The following CCDC141 variants were observed in gnomAD, a reference collection of about 807,000 sequenced individuals.
CCDC141 encodes coiled-coil domain containing 141.
CCDC141 carries 168 observed loss-of-function variants against 181.0 expected under a neutral mutation model. The observed-to-expected ratio is 0.93, with a 90% confidence interval of 0.82 to 1.05. CCDC141 has a LOEUF of 1.05. CCDC141 is among the 50% of genes least tolerant of loss of function. The pLI, the probability that CCDC141 is intolerant of heterozygous loss-of-function variation, is 0.00. For missense variants in CCDC141, 1,902 were observed against 1,788.5 expected (o/e 1.06, Z -1.14); for synonymous variants, 666 against 642.3 (o/e 1.04, Z -0.56).
intron 2 of CCDC141, among the ~76,000 whole-genome samples, chr2:179,027,541 A>AGG (rs2042882553): frequency 6.7e-6 from 1 of 148,618 alleles, no homozygotes; most frequent in South Asian, 2.2e-4. Context: ...GCTACTTGGG[A>AGG]GGCTGAGGCA....
intron 5 of CCDC141, among the ~76,000 whole-genome samples, chr2:178,947,324 A>T (rs1223399148): frequency 6.6e-6 from 1 of 152,198 alleles, no homozygotes; most frequent in Non-Finnish European, 1.5e-5. Flanking sequence ...TATGTAGAAC[A>T]TGGTCCCTGC....
chr2:178,920,125 T>C (rs1688620094), intron 6 of CCDC141, among the ~76,000 whole-genome samples: 1 of 152,144 alleles, frequency 6.6e-6, no homozygotes, highest in Non-Finnish European at 1.5e-5. Flanking sequence ...ATGACTGTCT[T>C]GTTAGTGAAT....
intron 8 of CCDC141, among the ~76,000 whole-genome samples, chr2:178,898,686 T>C (rs987293666): frequency 2.6e-5 from 4 of 152,312 alleles, no homozygotes; most frequent in East Asian, 1.9e-4. Context: ...GATTCCATGA[T>C]AGTAAAACAG....
intron 17 of CCDC141, among the ~76,000 whole-genome samples, chr2:178,865,181 T>C (rs1314551399): frequency 1.3e-5 from 2 of 152,244 alleles, no homozygotes; most frequent in Admixed American, 1.3e-4. Flanking sequence ...ATCTGTTATT[T>C]CTTTTTTCTT....
At chr2:178,865,182 C>A (rs1306944475) in intron 17 of CCDC141, among the ~76,000 whole-genome samples, 2 of 152,126 alleles carry the variant, frequency 1.3e-5, no homozygotes, top group South Asian at 4.1e-4. Context: ...TCTGTTATTT[C>A]TTTTTTCTTG....
intron 2 of CCDC141, among the ~76,000 whole-genome samples, chr2:179,034,412 T>G (rs1009297979): frequency 3.3e-5 from 5 of 152,160 alleles, no homozygotes; most frequent in Non-Finnish European, 5.9e-5. Flanking sequence ...GGCTGAATAC[T>G]TGGATGATGA....
chr2:178,873,692 C>G (rs927976271), intron 12 of CCDC141: 2 of 152,124 alleles, frequency 1.3e-5, no homozygotes, highest in African/African-American at 4.8e-5. Context: ...ATTTTGGCCA[C>G]TCAAGAAGAT....
At chr2:179,032,425 A>T (rs1280884240) in intron 2 of CCDC141, among the ~76,000 whole-genome samples, 2 of 152,242 alleles carry the variant, frequency 1.3e-5, no homozygotes, top group African/African-American at 4.8e-5. Flanking sequence ...AAACAAAAGC[A>T]AGGGATTTTC....
At chr2:178,942,632 G>C (rs1022247563) in intron 6 of CCDC141, among the ~76,000 whole-genome samples, 1 of 152,112 alleles carries the variant, frequency 6.6e-6, no homozygotes, top group Non-Finnish European at 1.5e-5. Context: ...ACAACACCAA[G>C]AGTGAACCCT....
At chr2:179,007,010 G>A (rs1259105972) in intron 2 of CCDC141, among the ~76,000 whole-genome samples, 6 of 152,110 alleles carry the variant, frequency 3.9e-5, no homozygotes, top group Admixed American at 2.6e-4. Context: ...ATGACATAGG[G>A]CCAGCTCCAT....
intron 7 of CCDC141, among the ~76,000 whole-genome samples, chr2:178,918,143 C>T (rs1688532031): frequency 6.6e-6 from 1 of 152,028 alleles, no homozygotes; most frequent in African/African-American, 2.4e-5. Context: ...GGCATGGTGG[C>T]TCATGCCTAC....
At chr2:179,006,231 T>C (rs143362329) in intron 2 of CCDC141, among the ~76,000 whole-genome samples, 103 of 152,340 alleles carry the variant, frequency 6.8e-4, no homozygotes, top group African/African-American at 2.4e-3. Flanking sequence ...TTACTTGAGA[T>C]ATCATTCAAT....
At chr2:178,969,650 A>T (rs1409340382) in intron 4 of CCDC141, among the ~76,000 whole-genome samples, 1 of 152,196 alleles carries the variant, frequency 6.6e-6, no homozygotes, top group Middle Eastern at 3.2e-3. Flanking sequence ...TATTTATGAC[A>T]AACCCACAGC....
In CCDC141 at chr2:178,841,987, C is replaced by A. The variant is rs374493196; in HGVS notation, c.3474+3639G>T. On this transcript the variant is annotated intron_variant, in intron 22 of 23. Transcript: ENST00000443758. ...ATATTTTCTAGAACTGTCTAGTTTT[C>A]AACTATGAAAATGCTATCCAAACAT... Among the ~76,000 whole-genome samples the A allele has an allele frequency of 3.9e-4, 59 of 152,136 alleles. 2 individuals carry two copies. In the East Asian group the frequency reaches 9.8e-3, roughly 25 times the overall value.
chr2:178,912,048 A>T (rs1688241019), intron 7 of CCDC141, among the ~76,000 whole-genome samples: 1 of 152,216 alleles, frequency 6.6e-6, no homozygotes, highest in Non-Finnish European at 1.5e-5. Context: ...TTGAAACTCT[A>T]CAGTTTATAA....
At chr2:178,993,912 C>T (rs183429127) in intron 2 of CCDC141, among the ~76,000 whole-genome samples, 1 of 152,116 alleles carries the variant, frequency 6.6e-6, no homozygotes, top group Non-Finnish European at 1.5e-5. Context: ...TCAAAATGAT[C>T]TTTTTTGACT....
chr2:179,028,771 T>G (rs553672328), intron 2 of CCDC141, among the ~76,000 whole-genome samples: 1 of 152,334 alleles, frequency 6.6e-6, no homozygotes, highest in East Asian at 1.9e-4. Flanking sequence ...CTTTAAAATT[T>G]TATCCTGTTC....
chr2:178,925,314 T>A (rs1175159367), intron 6 of CCDC141, among the ~76,000 whole-genome samples: 1 of 152,238 alleles, frequency 6.6e-6, no homozygotes, highest in African/African-American at 2.4e-5. Context: ...GACTTGGAAA[T>A]CTCTTGTTTC....
At chr2:178,970,297 G>C (rs956354789) in intron 4 of CCDC141, among the ~76,000 whole-genome samples, 1 of 152,150 alleles carries the variant, frequency 6.6e-6, no homozygotes, top group African/African-American at 2.4e-5. Flanking sequence ...AACAAAAAAA[G>C]AGCCCACATA....
Sources: gnomAD v4.1 joint callset for allele counts (sites outside exome capture counted in the v4.1 genomes callset) on GRCh38, gnomAD v4.1.1 for gene constraint, MANE v1.5 for transcripts, NCBI Gene and HGNC (gene_info 2026-07-23, HGNC 2026-07-21) for gene names.